Variants in ZNF716 observed in about 807,000 individuals in gnomAD.
The protein encoded by ZNF716 is zinc finger protein 716.
In ZNF716, 9 loss-of-function variants were observed where a neutral mutation model predicts 13.4. The ratio of observed to expected loss-of-function variants is 0.67; its 90% confidence interval spans 0.41 to 1.18. The LOEUF is 1.18. Ranked by LOEUF, ZNF716 falls within the 50% of genes most tolerant of loss-of-function variation. The probability of loss-of-function intolerance (pLI) is 0.01; values close to 1 mark genes in which losing one functional copy is unlikely to be tolerated. For missense variants in ZNF716, 581 were observed against 576.6 expected (o/e 1.01, Z -0.08); for synonymous variants, 186 against 195.2 (o/e 0.95, Z 0.39).
intron 3 of ZNF716, among the ~76,000 whole-genome samples, chr7:57,465,440 C>A (rs1213465955): frequency 6.6e-6 from 1 of 152,108 alleles, no homozygotes; most frequent in Admixed American, 6.6e-5. Flanking sequence ...GCAGCCTCAA[C>A]CTCTTGTACT....
At chr7:57,467,151 T>A (rs1414339585) in intron 3 of ZNF716, among the ~76,000 whole-genome samples, 5 of 152,080 alleles carry the variant, frequency 3.3e-5, no homozygotes, top group African/African-American at 1.2e-4. Context: ...ATAGAAAAAT[T>A]TATTCTCATT....
At chr7:57,460,259 GT>G (rs1789683421) in intron 1 of ZNF716, among the ~76,000 whole-genome samples, 1 of 151,690 alleles carries the variant, frequency 6.6e-6, no homozygotes, top group Non-Finnish European at 1.5e-5. Context: ...GCTGAGAGTG[GT>G]AGCATGCACC....
At chr7:57,459,821 T>C (rs1789674978) in intron 1 of ZNF716, among the ~76,000 whole-genome samples, 1 of 152,160 alleles carries the variant, frequency 6.6e-6, no homozygotes, top group Non-Finnish European at 1.5e-5. Context: ...GAAACATATT[T>C]TAATAGTTAT....
intron 2 of ZNF716, among the ~76,000 whole-genome samples, 197 bp downstream of exon 2, chr7:57,462,783 A>G (rs1789732162): frequency 6.6e-6 from 1 of 152,158 alleles, no homozygotes; most frequent in Non-Finnish European, 1.5e-5. Flanking sequence ...GCGCTTATGT[A>G]TCTTTTGCTC....
At chr7:57,455,626 C>T (rs1381515439) in intron 1 of ZNF716, among the ~76,000 whole-genome samples, 1 of 151,960 alleles carries the variant, frequency 6.6e-6, no homozygotes, top group African/African-American at 2.4e-5. Flanking sequence ...AAGCAATTCT[C>T]TTGCCTCAGC....
intron 1 of ZNF716, among the ~76,000 whole-genome samples, chr7:57,458,960 C>A (rs1249971055): frequency 6.6e-6 from 1 of 152,040 alleles, no homozygotes; most frequent in African/African-American, 2.4e-5. Flanking sequence ...TTGGCTGTAA[C>A]CCAGAGCTTC....
At chr7:57,466,268 C>T (rs77540029) in intron 3 of ZNF716, among the ~76,000 whole-genome samples, 10,130 of 151,868 alleles carry the variant, frequency 0.067, 435 homozygotes, top group East Asian at 0.15. Context: ...TGTGTCCAAC[C>T]GCAATATTGA....
At chr7:57,461,556 A>G (rs1242330507) in intron 1 of ZNF716, among the ~76,000 whole-genome samples, 4 of 152,270 alleles carry the variant, frequency 2.6e-5, no homozygotes, top group Non-Finnish European at 4.4e-5. Flanking sequence ...TGATTTTTGC[A>G]TCTATATTTG....
chr7:57,464,577 T>C (rs1789772670), intron 3 of ZNF716, among the ~76,000 whole-genome samples: 1 of 152,178 alleles, frequency 6.6e-6, no homozygotes, highest in Non-Finnish European at 1.5e-5. Flanking sequence ...TGTATTTGAT[T>C]GCAGAAAGTT....
intron 3 of ZNF716, among the ~76,000 whole-genome samples, chr7:57,466,251 A>T (rs1183164674): frequency 6.6e-6 from 1 of 152,172 alleles, no homozygotes; most frequent in Non-Finnish European, 1.5e-5. Context: ...TATAAAAAAG[A>T]ATATTGTGTG....
chr7:57,463,255 G>GAAA, intron 3 of ZNF716, 87 bp downstream of exon 3: 4 of 1,541,210 alleles, frequency 2.6e-6, no homozygotes, highest in Non-Finnish European at 2.6e-6. Context: ...GGTCTGGGGA[G>GAAA]CTGTACTTCG....
intron 1 of ZNF716, among the ~76,000 whole-genome samples, chr7:57,455,420 TATGTG>T (rs1554322106): frequency 6.6e-6 from 1 of 152,234 alleles, no homozygotes; most frequent in Non-Finnish European, 1.5e-5. Context: ...TATATCTGGC[TATGTG>T]ATAAGTAAGA....
At position 57,470,313 on chromosome 7, in the gene ZNF716, TGCAACCACACTG is replaced by T. The variant is rs1357347124; in HGVS notation, c.*367_*378del. The T allele has an allele frequency of 5.8e-6, 1 of 171,102 alleles. No individual in the cohort carries two copies. Among genetic ancestry groups the T allele is most frequent in the Non-Finnish European group, 1.3e-5 (1 of 79,872 alleles). 10.6% of individuals were successfully genotyped at this position (171,102 alleles called of 1,614,324 possible). ...CTGAGTAGCTGGAATTACAGGCACG[TGCAACCACACTG>T]GCTGAGTTTTGTATTTTTAGTAGAG... is the stretch of plus-strand genomic sequence containing the variant. On this transcript the variant is annotated 3_prime_UTR_variant, in exon 4 of 4. Transcript: ENST00000420713.
At chr7:57,464,964 A>C (rs1444854914) in intron 3 of ZNF716, among the ~76,000 whole-genome samples, 16 of 152,104 alleles carry the variant, frequency 1.1e-4, no homozygotes, top group African/African-American at 3.9e-4. Flanking sequence ...CCACATAGTT[A>C]TTGTTGTTGC....
chr7:57,468,763 A>G lies in ZNF716; in HGVS notation c.302A>G (p.Gln101Arg), dbSNP rs782656440. 6.8e-6 allele frequency: 11 copies of G among 1,612,946 alleles called. No homozygotes were observed. The East Asian group carries it at 1.8e-4, about 26-fold the overall frequency. ...SHFTQDLQSE[Q>R]GIKDSLQKVI... Reference sequence around the variant, plus strand: ...TTCACCCAAGACCTTCAGTCAGAGCAGGGCATAAAAGATTCACTCCAAAAA... The same window carrying G: ...TTCACCCAAGACCTTCAGTCAGAGCGGGGCATAAAAGATTCACTCCAAAAA... The change falls in exon 4 of 4, where the codon CAG becomes CGG. Residue 101 changes from glutamine to arginine, a missense_variant. Transcript: ENST00000420713.
chr7:57,461,208 C>A (rs1419000271), intron 1 of ZNF716, among the ~76,000 whole-genome samples: 2 of 152,000 alleles, frequency 1.3e-5, no homozygotes, highest in African/African-American at 4.8e-5. Context: ...ACCCAGGAGG[C>A]AGAGTTTGCA....
intron 1 of ZNF716, among the ~76,000 whole-genome samples, chr7:57,457,984 ATGT>A (rs1326654420): frequency 6.6e-6 from 1 of 152,198 alleles, no homozygotes; most frequent in African/African-American, 2.4e-5. Flanking sequence ...AAATGACATG[ATGT>A]TGTTCTTTCT....
At chr7:57,456,735 A>C (rs1234572251) in intron 1 of ZNF716, among the ~76,000 whole-genome samples, 1 of 130,590 alleles carries the variant, frequency 7.7e-6, no homozygotes. Flanking sequence ...ACTGCATTTC[A>C]AAAAAAAAAA....
intron 1 of ZNF716, among the ~76,000 whole-genome samples, chr7:57,452,097 A>C (rs1181466990): frequency 6.6e-6 from 1 of 152,306 alleles, no homozygotes; most frequent in East Asian, 1.9e-4. Context: ...GTCTTAAGTC[A>C]ACCATTCTGT....
Sources: allele counts gnomAD v4.1 joint callset (sites outside exome capture counted in the v4.1 genomes callset), GRCh38; gene constraint gnomAD v4.1.1; transcripts MANE v1.5; gene names NCBI Gene and HGNC (gene_info 2026-07-23, HGNC 2026-07-21).